The following SLC25A24 variants were observed in gnomAD, a reference collection of about 807,000 sequenced individuals.
SLC25A24 encodes mitochondrial adenyl nucleotide antiporter SLC25A24.
A neutral mutation model predicts 60.7 loss-of-function variants in SLC25A24; 49 were observed. The ratio of observed to expected loss-of-function variants is 0.81; its 90% CI spans 0.64 to 1.02. The LOEUF (loss-of-function observed/expected upper bound fraction) is 1.02. Ranked by LOEUF, SLC25A24 falls within the 50% of genes least tolerant of loss-of-function variation. SLC25A24 has a pLI of 0.00. For synonymous variants in SLC25A24, 202 were observed against 200.6 expected, an observed-to-expected ratio of 1.01 and a Z score of -0.06; for missense variants, 564 against 586.3, an observed-to-expected ratio of 0.96 and a Z score of 0.39.
At position 108,136,633 on chromosome 1, in the gene SLC25A24, C is replaced by G. The variant is rs1679294374; in HGVS notation, c.*20G>C. 6.2e-7 allele frequency: 1 copy of G among 1,605,096 alleles called. No individual in the cohort carries two copies. The highest frequency in any genetic ancestry group is 8.5e-7 in the Non-Finnish European group (1 of 1,173,534). On this transcript the variant is annotated 3_prime_UTR_variant, in exon 10 of 10. Coordinates refer to ENST00000565488, the MANE Select transcript of SLC25A24 (RefSeq NM_013386.5). ...ATTGTTGAAAGTTTCAATTATCAGG[C>G]TAAAGCAAAAAATGCAACATCATTT...
Position 108,200,341 on chromosome 1 carries a change from T to C in SLC25A24, c.-203A>G, listed in dbSNP as rs1459409705. ...ACCCGAGCCCGCGCGGAGCGCAGGG[T>C]GTGGCCGTCCCGCCGCTGCTGGGGA... is the stretch of plus-strand genomic sequence containing the variant. On this transcript the variant is annotated 5_prime_UTR_variant, in exon 1 of 10. Coordinates refer to ENST00000565488, the MANE Select transcript of SLC25A24 (RefSeq NM_013386.5). 1.3e-5 allele frequency: 4 copies of C among 302,920 alleles called. No individual in the cohort carries two copies. The highest frequency in any genetic ancestry group is 2.3e-5 in the Non-Finnish European group (4 of 170,340). The allele number at this position is 302,920 out of a possible 1,614,324, so 18.8% of individuals were successfully genotyped here.
intron 4 of SLC25A24, among the ~76,000 whole-genome samples, chr1:108,159,716 C>T (rs547803871): frequency 1.3e-5 from 2 of 151,712 alleles, no homozygotes; most frequent in Non-Finnish European, 2.9e-5. Flanking sequence ...GCACATCTTG[C>T]ACCGCCCTTA....
intron 6 of SLC25A24, among the ~76,000 whole-genome samples, chr1:108,151,119 T>C (rs1679743276): frequency 6.6e-6 from 1 of 152,108 alleles, no homozygotes; most frequent in African/African-American, 2.4e-5. Context: ...AAGAATCACT[T>C]GAACCTAGGA....
intron 3 of SLC25A24, among the ~76,000 whole-genome samples, chr1:108,177,957 G>A (rs1647744244): frequency 6.6e-6 from 1 of 152,138 alleles, no homozygotes; most frequent in Non-Finnish European, 1.5e-5. Context: ...GAAGTCAAGA[G>A]ATCAAGACCA....
chr1:108,143,171 A>C (rs1021329024), intron 8 of SLC25A24, among the ~76,000 whole-genome samples: 15 of 152,222 alleles, frequency 9.9e-5, no homozygotes, highest in African/African-American at 3.6e-4. Flanking sequence ...GGTTGATCCA[A>C]GATTTGTATT....
chr1:108,158,845 C>T (rs1406102087), intron 4 of SLC25A24, among the ~76,000 whole-genome samples: 1 of 151,396 alleles, frequency 6.6e-6, no homozygotes, highest in Non-Finnish European at 1.5e-5. Flanking sequence ...ACTAAAAATA[C>T]AAAAAAAATT....
At chr1:108,145,120 C>T (rs1159261626) in intron 7 of SLC25A24, among the ~76,000 whole-genome samples, 1 of 151,688 alleles carries the variant, frequency 6.6e-6, no homozygotes, top group Admixed American at 6.6e-5. Flanking sequence ...AACTAACTGG[C>T]GTGAGATGGT....
intron 1 of SLC25A24, among the ~76,000 whole-genome samples, chr1:108,187,927 G>GATATATAGATATATATATATATATATAT (rs1553256779): frequency 3.1e-5 from 3 of 95,748 alleles, no homozygotes; most frequent in African/African-American, 1.3e-4. Flanking sequence ...AGACATTATA[G>GATATATAGATATATATATATATATATAT]ATATATATAT....
rs147876081 is a variant in SLC25A24 at position 108,180,452 on chromosome 1, T to A, written c.398+1489A>T. Among the ~76,000 whole-genome samples, 46 of 152,306 alleles carry A rather than the reference T, an allele frequency of 3.0e-4. No homozygotes were observed. In the South Asian group the frequency reaches 9.1e-3, roughly 30 times the overall value. On this transcript the variant is annotated intron_variant, in intron 3 of 9. Transcript: ENST00000565488. ...TCCAACCCTCTGCATTATCCTTTGCTATGGACTGAGCTGTGTCCCTCCCAA... is the reference window on the plus strand; with the variant it reads ...TCCAACCCTCTGCATTATCCTTTGCAATGGACTGAGCTGTGTCCCTCCCAA...
At chr1:108,157,314 T>A in intron 5 of SLC25A24, 148 bp downstream of exon 5, 4 of 815,758 alleles carry the variant, frequency 4.9e-6, no homozygotes, top group Non-Finnish European at 7.3e-6. Flanking sequence ...TGGACTGAAT[T>A]TAGAGTTAAC....
At chr1:108,168,053 T>C (rs951812738) in intron 3 of SLC25A24, among the ~76,000 whole-genome samples, 3 of 152,212 alleles carry the variant, frequency 2.0e-5, no homozygotes. Context: ...ATTGAATTAA[T>C]GGATGTCTCT....
intron 4 of SLC25A24, among the ~76,000 whole-genome samples, chr1:108,158,478 G>T (rs1300476795): frequency 6.6e-6 from 1 of 152,068 alleles, no homozygotes; most frequent in Non-Finnish European, 1.5e-5. Flanking sequence ...AATACCGTAA[G>T]AATTATGTAA....
At chr1:108,156,651 A>C (rs1469979297) in intron 5 of SLC25A24, among the ~76,000 whole-genome samples, 2 of 152,262 alleles carry the variant, frequency 1.3e-5, no homozygotes, top group African/African-American at 2.4e-5. Flanking sequence ...TTTGTAAACA[A>C]CTACTATGTT....
At chr1:108,158,863 C>T (rs1011096233) in intron 4 of SLC25A24, among the ~76,000 whole-genome samples, 10 of 151,954 alleles carry the variant, frequency 6.6e-5, no homozygotes, top group Non-Finnish European at 1.2e-4. Flanking sequence ...ATTAGCCAGG[C>T]GCAGTGGTGG....
At chr1:108,170,694 A>G (rs10218750) in intron 3 of SLC25A24, among the ~76,000 whole-genome samples, 1 of 151,644 alleles carries the variant, frequency 6.6e-6, no homozygotes, top group South Asian at 2.1e-4. Context: ...TATATAATCT[A>G]TTATTAATAG....
chr1:108,137,881 A>G (rs1276847373), intron 9 of SLC25A24, among the ~76,000 whole-genome samples: 3 of 152,204 alleles, frequency 2.0e-5, no homozygotes. Context: ...TACACAAGAA[A>G]CGTGTAGTTC....
Position 108,136,394 on chromosome 1 carries a change from G to C in SLC25A24, c.*259C>G. 3.2e-6 allele frequency: 1 copy of C among 307,742 alleles called. No individual in the cohort carries two copies. Among genetic ancestry groups the C allele is most frequent in the Non-Finnish European group, 5.9e-6 (1 of 168,928 alleles). 19.1% of individuals were successfully genotyped at this position (307,742 alleles called of 1,614,324 possible). ...TACATTTTCAGATTTCGGATTCAGG[G>C]CAGAGATTTGCAGGATTATTAAGAA... On this transcript the variant is annotated 3_prime_UTR_variant, in exon 10 of 10. Transcript: ENST00000565488.
At chr1:108,190,260 G>A (rs992689828) in intron 1 of SLC25A24, among the ~76,000 whole-genome samples, 2 of 152,080 alleles carry the variant, frequency 1.3e-5, no homozygotes, top group South Asian at 2.1e-4. Flanking sequence ...TTAGAAACGC[G>A]GCACCCTATT....
At chr1:108,157,068 G>A (rs1679920617) in intron 5 of SLC25A24, among the ~76,000 whole-genome samples, 1 of 152,054 alleles carries the variant, frequency 6.6e-6, no homozygotes, top group African/African-American at 2.4e-5. Context: ...GCTAACCTCA[G>A]CTTTAGAATA....
Sources: gnomAD v4.1 joint callset for allele counts (sites outside exome capture counted in the v4.1 genomes callset) on GRCh38, gnomAD v4.1.1 for gene constraint, MANE v1.5 for transcripts, NCBI Gene and HGNC (gene_info 2026-07-23, HGNC 2026-07-21) for gene names.